ETS1: variants seen among roughly 807,000 people sequenced by gnomAD.
ETS1 encodes the protein protein C-ets-1.
Under a neutral mutation model 58.6 loss-of-function variants are expected in ETS1, and 15 were observed. That is an observed-to-expected ratio of 0.26 (90% CI 0.17 to 0.39). ETS1 has a LOEUF of 0.39. Ranked by LOEUF, ETS1 falls within the 10% of genes least tolerant of loss-of-function variation. The probability of loss-of-function intolerance (pLI) is 1.00; values close to 1 mark genes in which losing one functional copy is unlikely to be tolerated. For missense variants in ETS1, 417 were observed against 610.5 expected (o/e 0.68, Z 3.34); for synonymous variants, 214 against 218.2 (o/e 0.98, Z 0.17).
At chr11:128,522,647 C>T (rs1367030930) in intron 3 of ETS1, among the ~76,000 whole-genome samples, 3 of 152,212 alleles carry the variant, frequency 2.0e-5, no homozygotes, top group African/African-American at 7.2e-5. Context: ...GTGCACAGGC[C>T]GCCTCCACCG....
chr11:128,484,210 C>T (rs1235492242), intron 7 of ETS1, among the ~76,000 whole-genome samples: 1 of 152,076 alleles, frequency 6.6e-6, no homozygotes, highest in African/African-American at 2.4e-5. Flanking sequence ...TTTTGGAAAC[C>T]CCTGGCCACC....
rs1349570606 is a variant in ETS1, at chr11:128,464,545, C to A, written c.1124-918G>T. Among the ~76,000 whole-genome samples the A allele has an allele frequency of 6.6e-6, 1 of 152,036 alleles. No individual in the cohort carries two copies. Among genetic ancestry groups the A allele is most frequent in the Non-Finnish European group, 1.5e-5 (1 of 67,992 alleles). On this transcript the variant is annotated intron_variant, in intron 8 of 9. Coordinates refer to ENST00000392668, the MANE Select transcript of ETS1 (RefSeq NM_001143820.2). The surrounding 1 kb of genome is among the most constrained non-coding windows in gnomAD (Gnocchi z 4.1). ...TAATTTATAGGTGTCGGTGGAGAGA[C>A]AAATAGGGGTTCAAAAGTCCATGCT...
chr11:128,579,597 G>A (rs955246025), intron 1 of ETS1, among the ~76,000 whole-genome samples: 2 of 149,976 alleles, frequency 1.3e-5, no homozygotes, highest in East Asian at 4.0e-4. Context: ...GGAGGCAGAG[G>A]TTGCAGTGAG....
chr11:128,496,568 C>T (rs967757046), intron 3 of ETS1, among the ~76,000 whole-genome samples: 10 of 152,172 alleles, frequency 6.6e-5, no homozygotes, highest in Non-Finnish European at 1.0e-4. Flanking sequence ...GCCACACTGA[C>T]GGCTCTGCTT....
chr11:128,585,193 GGAAAGAAAGAAAGAAA>G (rs764608182), intron 1 of ETS1, among the ~76,000 whole-genome samples: 22 of 15,672 alleles, frequency 1.4e-3, no homozygotes, highest in South Asian at 1.8e-3. Context: ...AAAGAAGGAA[GGAAAGAAAGAAAGAAA>G]GAAAGAAAGA....
intron 3 of ETS1, among the ~76,000 whole-genome samples, chr11:128,507,549 C>T (rs1863274814): frequency 6.6e-6 from 1 of 152,172 alleles, no homozygotes; most frequent in Non-Finnish European, 1.5e-5. Flanking sequence ...TTCTAGGTGC[C>T]AGATTCTGGC....
chr11:128,571,244 G>A (rs1157700907), intron 2 of ETS1, among the ~76,000 whole-genome samples: 1 of 151,822 alleles, frequency 6.6e-6, no homozygotes, highest in African/African-American at 2.4e-5. Flanking sequence ...GTGAAACCCT[G>A]TCTCTACTAA....
At chr11:128,570,260 G>T (rs1176831977) in intron 2 of ETS1, among the ~76,000 whole-genome samples, 3 of 143,114 alleles carry the variant, frequency 2.1e-5, no homozygotes, top group African/African-American at 7.8e-5. Flanking sequence ...TTTTTAGATG[G>T]AGTCTTGCTC....
chr11:128,546,791 A>G (rs921182888), intron 3 of ETS1, among the ~76,000 whole-genome samples: 10 of 152,156 alleles, frequency 6.6e-5, no homozygotes, highest in African/African-American at 2.4e-4. Context: ...CTTTAGGGGC[A>G]CTATTTCTAC....
intron 1 of ETS1, among the ~76,000 whole-genome samples, chr11:128,585,225 A>AGAAAGAAG (rs1555093226): frequency 3.2e-5 from 2 of 62,870 alleles, no homozygotes; most frequent in Non-Finnish European, 3.5e-5. Flanking sequence ...AAAGAAAGAA[A>AGAAAGAAG]GAAAGAAAGA....
At chr11:128,484,045 G>A (rs1040625680) in intron 7 of ETS1, among the ~76,000 whole-genome samples, 1 of 152,168 alleles carries the variant, frequency 6.6e-6, no homozygotes, top group African/African-American at 2.4e-5. Flanking sequence ...TTACTAGGTA[G>A]GCTGTACCTC....
At chr11:128,582,158 T>C (rs948212516) in intron 1 of ETS1, among the ~76,000 whole-genome samples, 2 of 152,234 alleles carry the variant, frequency 1.3e-5, no homozygotes, top group African/African-American at 4.8e-5. Flanking sequence ...CTCATTTATT[T>C]CAATGAACTG....
intron 3 of ETS1, among the ~76,000 whole-genome samples, chr11:128,492,186 AAAT>A (rs1862819972): frequency 6.6e-6 from 1 of 152,248 alleles, no homozygotes; most frequent in Non-Finnish European, 1.5e-5. Flanking sequence ...GCTACTACAG[AAAT>A]TCTTCAACTG....
At chr11:128,469,301 T>C (rs746868268) in intron 8 of ETS1, among the ~76,000 whole-genome samples, 1 of 152,260 alleles carries the variant, frequency 6.6e-6, no homozygotes, top group Non-Finnish European at 1.5e-5. Flanking sequence ...GGGCTGACTC[T>C]GCCCTGATAG....
chr11:128,490,090 A>T (rs1862755634), intron 4 of ETS1, among the ~76,000 whole-genome samples: 1 of 152,242 alleles, frequency 6.6e-6, no homozygotes, highest in Non-Finnish European at 1.5e-5. Flanking sequence ...TAGTATTGAT[A>T]ACATGCAATC....
intron 3 of ETS1, among the ~76,000 whole-genome samples, chr11:128,537,315 G>C (rs149599483): frequency 1.3e-5 from 2 of 152,218 alleles, no homozygotes; most frequent in East Asian, 3.9e-4. Flanking sequence ...AGAGTGTGTA[G>C]GGGGAGAGGG....
intron 4 of ETS1, among the ~76,000 whole-genome samples, chr11:128,489,917 C>G: frequency 6.6e-6 from 1 of 152,220 alleles, no homozygotes; most frequent in Admixed American, 6.5e-5. Flanking sequence ...CTATTATTCT[C>G]GATTATTTTT....
intron 3 of ETS1, among the ~76,000 whole-genome samples, chr11:128,509,587 T>A (rs1488086094): frequency 4.2e-5 from 6 of 142,926 alleles, no homozygotes; most frequent in Admixed American, 7.1e-5. Context: ...ACTTTCCCAC[T>A]ACTAACACAT....
intron 5 of ETS1, 90 bp downstream of exon 5, chr11:128,489,200 G>T (rs995934981): frequency 2.8e-6 from 3 of 1,060,020 alleles, no homozygotes; most frequent in Admixed American, 1.7e-5. Context: ...ACAGATAAAG[G>T]CATTGACGTC....
Sources: gnomAD v4.1 joint callset for allele counts (sites outside exome capture counted in the v4.1 genomes callset) on GRCh38, gnomAD v4.1.1 for gene constraint, Gnocchi (gnomAD v3.1) non-coding constraint, MANE v1.5 for transcripts, NCBI Gene and HGNC (gene_info 2026-07-23, HGNC 2026-07-21) for gene names.